The following FNDC3B variants were observed in gnomAD, a reference collection of about 807,000 sequenced individuals.
FNDC3B encodes fibronectin type III domain-containing protein 3B.
In FNDC3B, 12 loss-of-function variants were observed where a neutral mutation model predicts 151.5. The ratio of observed to expected loss-of-function variants is 0.08; its 90% CI spans 0.05 to 0.13. The LOEUF is 0.13. Among genes scored for constraint, FNDC3B ranks in the 10% least tolerant of loss-of-function variants. The pLI is 1.00. For synonymous variants in FNDC3B, 528 were observed against 549.0 expected (o/e 0.96, Z 0.54); for missense variants, 1,214 against 1,505.3 (o/e 0.81, Z 3.20).
At chr3:172,177,602 G>A (rs1723661937) in intron 3 of FNDC3B, among the ~76,000 whole-genome samples, 1 of 113,046 alleles carries the variant, frequency 8.8e-6, no homozygotes, top group African/African-American at 3.3e-5. Flanking sequence ...ATAGCTCTGA[G>A]GAAGGAATCA....
chr3:172,142,465 C>T (rs577128610), intron 3 of FNDC3B, among the ~76,000 whole-genome samples: 99 of 152,310 alleles, frequency 6.5e-4, no homozygotes, highest in African/African-American at 2.2e-3. Context: ...CAGATCTTTG[C>T]ATGTCAGATA....
At chr3:172,234,707 G>A (rs893269015) in intron 4 of FNDC3B, among the ~76,000 whole-genome samples, 6 of 151,980 alleles carry the variant, frequency 3.9e-5, no homozygotes, top group East Asian at 1.9e-4. Flanking sequence ...AAATGACTTC[G>A]GAATCATTAG....
At chr3:172,152,410 T>C (rs981608243) in intron 3 of FNDC3B, among the ~76,000 whole-genome samples, 1 of 152,196 alleles carries the variant, frequency 6.6e-6, no homozygotes, top group African/African-American at 2.4e-5. Flanking sequence ...AGGATCAGAA[T>C]CAGACTGCCT....
intron 3 of FNDC3B, among the ~76,000 whole-genome samples, chr3:172,191,153 C>T (rs2108671890): frequency 6.6e-6 from 1 of 152,140 alleles, no homozygotes; most frequent in East Asian, 1.9e-4. Context: ...GTAATTTGCC[C>T]AAGGTTGCAC....
At chr3:172,335,368 T>C (rs1732910962) in intron 15 of FNDC3B, 1 of 237,564 alleles carries the variant, frequency 4.2e-6, no homozygotes, top group South Asian at 1.1e-4. Context: ...TGTTTACATA[T>C]TTTTTTCTCC....
chr3:172,322,281 C>T (rs1732124158), intron 11 of FNDC3B, among the ~76,000 whole-genome samples: 1 of 152,210 alleles, frequency 6.6e-6, no homozygotes, highest in African/African-American at 2.4e-5. Context: ...CTATCTGGGG[C>T]TCTTCACATG....
At chr3:172,073,910 TC>T (rs1717893468) in intron 1 of FNDC3B, among the ~76,000 whole-genome samples, 1 of 152,044 alleles carries the variant, frequency 6.6e-6, no homozygotes, top group Admixed American at 6.6e-5. Flanking sequence ...GTGCTTTTTC[TC>T]CCCTGATCCC....
In FNDC3B at chr3:172,217,222, C is replaced by T. The variant is rs554137318; in HGVS notation, c.188-9649C>T. 7.6e-4 allele frequency among the ~76,000 whole-genome samples: 116 copies of T among 152,366 alleles called. 1 individual carries two copies. The highest frequency in any genetic ancestry group is 1.2e-3 in the South Asian group (6 of 4,828). On this transcript the variant is annotated intron_variant, in intron 3 of 25. Transcript: ENST00000415807. ...AAGCAACAACCAAGGGTTCTAAAAA[C>T]TGGAGTTGAAGGTTATATTACAAGC...
At chr3:172,331,468 C>G (rs1488762982) in intron 13 of FNDC3B, among the ~76,000 whole-genome samples, 1 of 152,214 alleles carries the variant, frequency 6.6e-6, no homozygotes, top group Non-Finnish European at 1.5e-5. Flanking sequence ...TGCCATTCTT[C>G]TGCCTCAGTT....
chr3:172,294,777 A>G (rs1034299110), intron 7 of FNDC3B, among the ~76,000 whole-genome samples: 4 of 152,254 alleles, frequency 2.6e-5, no homozygotes, highest in Non-Finnish European at 5.9e-5. Flanking sequence ...TTTAAGTCCC[A>G]GAGTCTTCGG....
At chr3:172,216,453 G>A (rs190902773) in intron 3 of FNDC3B, among the ~76,000 whole-genome samples, 212 of 152,148 alleles carry the variant, frequency 1.4e-3, no homozygotes, top group Non-Finnish European at 2.4e-3. Flanking sequence ...GATCGCTTGA[G>A]GCCAGGAGTT....
intron 11 of FNDC3B, among the ~76,000 whole-genome samples, chr3:172,323,166 G>A (rs1732177103): frequency 6.6e-6 from 1 of 152,078 alleles, no homozygotes; most frequent in Non-Finnish European, 1.5e-5. Context: ...AAAAAATAAA[G>A]ATGTTCCTTA....
At chr3:172,159,313 G>GTC (rs1722656205) in intron 3 of FNDC3B, among the ~76,000 whole-genome samples, 1 of 152,136 alleles carries the variant, frequency 6.6e-6, no homozygotes, top group Non-Finnish European at 1.5e-5. Context: ...ATTGGTGTGT[G>GTC]TCTGTTTCCA....
chr3:172,199,813 G>A (rs1229004717), intron 3 of FNDC3B, among the ~76,000 whole-genome samples: 1 of 152,218 alleles, frequency 6.6e-6, no homozygotes, highest in Non-Finnish European at 1.5e-5. Flanking sequence ...GTGAGTGACA[G>A]CAGTCATGGT....
At chr3:172,340,136 C>T (rs1576927178) in intron 16 of FNDC3B, among the ~76,000 whole-genome samples, 2 of 152,228 alleles carry the variant, frequency 1.3e-5, no homozygotes, top group African/African-American at 4.8e-5. Flanking sequence ...GCTGAGGCAG[C>T]CCTGGGTGCC....
chr3:172,061,233 CTT>C (rs376260481), intron 1 of FNDC3B, among the ~76,000 whole-genome samples: 11 of 139,216 alleles, frequency 7.9e-5, no homozygotes, highest in Non-Finnish European at 7.9e-5. Flanking sequence ...CTGCACATTA[CTT>C]TTTTTTTTTT....
chr3:172,397,045 G>A, intron 25 of FNDC3B, 119 bp from the exon 26 acceptor site: 1 of 735,522 alleles, frequency 1.4e-6, no homozygotes, highest in South Asian at 2.0e-5. Flanking sequence ...TATCATCTTT[G>A]TTATAAGAGT....
In FNDC3B at chr3:172,140,450, A is replaced by G. The variant is rs1410089368; in HGVS notation, c.187+6904A>G. Among the ~76,000 whole-genome samples, 3 of 152,196 alleles carry G rather than the reference A, an allele frequency of 2.0e-5. No homozygotes were observed. In the East Asian group the frequency reaches 5.8e-4, roughly 29 times the overall value. ...GATCTCTGAAATGTTTGGGGGCTCTATTTTGCACATGACAGTTAGCAATTC... is the reference window on the plus strand; with the variant it reads ...GATCTCTGAAATGTTTGGGGGCTCTGTTTTGCACATGACAGTTAGCAATTC... On this transcript the variant is annotated intron_variant, in intron 3 of 25. Transcript: ENST00000415807.
intron 1 of FNDC3B, among the ~76,000 whole-genome samples, chr3:172,095,685 A>G (rs956186987): frequency 4.6e-5 from 7 of 152,208 alleles, no homozygotes; most frequent in Non-Finnish European, 1.0e-4. Flanking sequence ...ATCATTAAAA[A>G]AGTCTTGGAG....
Sources: gnomAD v4.1 joint callset for allele counts (sites outside exome capture counted in the v4.1 genomes callset) on GRCh38, gnomAD v4.1.1 for gene constraint, MANE v1.5 for transcripts, NCBI Gene and HGNC (gene_info 2026-07-23, HGNC 2026-07-21) for gene names.